The following DOCK10 variants were observed in gnomAD, a reference collection of about 807,000 sequenced individuals.
The protein encoded by DOCK10 is dedicator of cytokinesis 10.
A neutral mutation model predicts 280.1 loss-of-function variants in DOCK10; 145 were observed. That is an observed-to-expected ratio of 0.52 (90% CI 0.45 to 0.59). The LOEUF is 0.59. DOCK10 is among the 20% of genes least tolerant of loss of function. DOCK10 has a pLI of 0.00. For missense variants in DOCK10, 2,368 were observed against 2,651.7 expected, an observed-to-expected ratio of 0.89 and a Z score of 2.35; for synonymous variants, 915 against 942.2, an observed-to-expected ratio of 0.97 and a Z score of 0.53.
intron 7 of DOCK10, among the ~76,000 whole-genome samples, chr2:224,877,769 A>T (rs570289253): frequency 6.6e-6 from 1 of 152,236 alleles, no homozygotes; most frequent in South Asian, 2.1e-4. Flanking sequence ...TTACAATTTT[A>T]TATATTCCTG....
At chr2:224,962,532 G>C (rs953035461) in intron 1 of DOCK10, among the ~76,000 whole-genome samples, 1 of 152,130 alleles carries the variant, frequency 6.6e-6, no homozygotes, top group African/African-American at 2.4e-5. Flanking sequence ...TGATGCATTA[G>C]TACTCACATC....
chr2:225,036,522 T>C (rs1203824615), intron 1 of DOCK10, among the ~76,000 whole-genome samples: 1 of 152,198 alleles, frequency 6.6e-6, no homozygotes, highest in African/African-American at 2.4e-5. Context: ...TGCAAATCAC[T>C]AGGGGATCTT....
chr2:225,003,649 ATAG>A (rs772908834), intron 1 of DOCK10, among the ~76,000 whole-genome samples: 1 of 152,308 alleles, frequency 6.6e-6, no homozygotes, highest in African/African-American at 2.4e-5. Flanking sequence ...GTTTTATCTA[ATAG>A]TAGTATTTGT....
chr2:224,982,081 C>T (rs1705777717), intron 1 of DOCK10: 2 of 639,934 alleles, frequency 3.1e-6, no homozygotes, highest in Admixed American at 8.7e-5. Flanking sequence ...CCAAACAGTA[C>T]TTCAGAGTAG....
chr2:224,779,461 C>A (rs1371529301), intron 50 of DOCK10, among the ~76,000 whole-genome samples: 1 of 152,098 alleles, frequency 6.6e-6, no homozygotes, highest in African/African-American at 2.4e-5. Context: ...GATGATCCAC[C>A]CACCTCGGCC....
intron 55 of DOCK10, among the ~76,000 whole-genome samples, chr2:224,769,558 G>T (rs571908209): frequency 6.6e-6 from 1 of 152,218 alleles, no homozygotes; most frequent in South Asian, 2.1e-4. Context: ...TAGGAAGTAG[G>T]CCAGGAAGCA....
At chr2:224,779,722 G>A (rs1354928888) in intron 50 of DOCK10, among the ~76,000 whole-genome samples, 1 of 152,128 alleles carries the variant, frequency 6.6e-6, no homozygotes, top group Non-Finnish European at 1.5e-5. Flanking sequence ...TCTGTATGAT[G>A]CTTTATACTT....
At chr2:224,892,427 G>A (rs200050914) in intron 4 of DOCK10, among the ~76,000 whole-genome samples, 18 of 93,940 alleles carry the variant, frequency 1.9e-4, no homozygotes, top group South Asian at 2.9e-4. Context: ...AAAAAAGAAA[G>A]AAAGAAAAGA....
intron 1 of DOCK10, among the ~76,000 whole-genome samples, chr2:225,013,916 A>T (rs1219005580): frequency 6.6e-6 from 1 of 152,042 alleles, no homozygotes; most frequent in Non-Finnish European, 1.5e-5. Context: ...AGTGACAAAA[A>T]GTAGATAAGT....
chr2:224,801,696 C>A (rs759782800), intron 40 of DOCK10, among the ~76,000 whole-genome samples: 2 of 152,108 alleles, frequency 1.3e-5, no homozygotes, highest in Non-Finnish European at 2.9e-5. Flanking sequence ...TCCAAGGGAG[C>A]TATGCTAAAC....
rs769656734 is a variant in DOCK10 at position 224,874,607 on chromosome 2, A to G, written c.1017+59T>C. On this transcript the variant is annotated intron_variant, in intron 9 of 55. Transcript: ENST00000258390. Reference sequence around the variant, plus strand: ...GAAAGCATTTACGTCTTTTCCATGAAAGCAATAACTAACAAATAATTCAAA... The same window carrying G: ...GAAAGCATTTACGTCTTTTCCATGAGAGCAATAACTAACAAATAATTCAAA... 4.7e-6 allele frequency: 7 copies of G among 1,484,408 alleles called. No individual in the cohort carries two copies. The Admixed American group carries it at 6.7e-5, about 14-fold the overall frequency. 92.0% of individuals were successfully genotyped at this position (1,484,408 alleles called of 1,614,324 possible). A position where few individuals can be genotyped will look rare whatever the true frequency, so the allele number is the denominator to read the frequency against.
intron 1 of DOCK10, among the ~76,000 whole-genome samples, chr2:225,010,190 T>G: frequency 6.6e-6 from 1 of 152,156 alleles, no homozygotes; most frequent in East Asian, 1.9e-4. Flanking sequence ...GCCAGGCATT[T>G]TCCTATGGCA....
intron 1 of DOCK10, among the ~76,000 whole-genome samples, chr2:225,014,108 T>TC (rs1689527413): frequency 1.4e-5 from 2 of 145,586 alleles, no homozygotes; most frequent in Admixed American, 6.8e-5. Flanking sequence ...GTTTTTTTTT[T>TC]TAAGAAATAC....
intron 51 of DOCK10, among the ~76,000 whole-genome samples, chr2:224,776,200 T>C (rs1690851686): frequency 6.6e-6 from 1 of 152,202 alleles, no homozygotes; most frequent in Non-Finnish European, 1.5e-5. Flanking sequence ...TTTCTCCATC[T>C]GTCTACCCAT....
intron 39 of DOCK10, 48 bp downstream of exon 39, chr2:224,804,064 C>T (rs1034695396): frequency 6.2e-6 from 7 of 1,134,968 alleles, no homozygotes; most frequent in South Asian, 1.3e-5. Flanking sequence ...TACAGACACA[C>T]ACACACAGCT....
chr2:225,006,302 T>C (rs977112301), intron 1 of DOCK10, among the ~76,000 whole-genome samples: 3 of 152,204 alleles, frequency 2.0e-5, no homozygotes, highest in African/African-American at 7.2e-5. Flanking sequence ...CATTTACTTA[T>C]ATCACAGCTT....
At position 225,014,288 on chromosome 2, in the gene DOCK10, G is replaced by A. The variant is rs186014873; in HGVS notation, c.123+27964C>T. 2.7e-3 allele frequency among the ~76,000 whole-genome samples: 403 copies of A among 151,818 alleles called. 1 individual carries two copies. Among genetic ancestry groups the A allele is most frequent in the African/African-American group, 8.8e-3 (363 of 41,460 alleles). Reference sequence around the variant, plus strand: ...TAAAAGGTTTTTTATATATCCTTTGGAGACAATGAAAAATTTTTGAAATAG... The same window carrying A: ...TAAAAGGTTTTTTATATATCCTTTGAAGACAATGAAAAATTTTTGAAATAG... On this transcript the variant is annotated intron_variant, in intron 1 of 55. Coordinates refer to ENST00000258390, the MANE Select transcript of DOCK10 (RefSeq NM_014689.3).
In DOCK10 at chr2:224,808,098, A is replaced by C. The variant is rs774176868; in HGVS notation, c.3410-12T>G. ...ATATTCAGGCATATCTTTGTGAGGA[A>C]GGAAAATAACTCATGTTATTGAAAA... On this transcript the variant is annotated splice_polypyrimidine_tract_variant and intron_variant, in intron 31 of 55. Coordinates refer to ENST00000258390, the MANE Select transcript of DOCK10 (RefSeq NM_014689.3). 4 of 1,605,798 alleles carry C rather than the reference A, an allele frequency of 2.5e-6. No homozygotes were observed. The South Asian group carries it at 4.4e-5, about 18-fold the overall frequency.
At chr2:224,903,380 T>G (rs1429163963) in intron 3 of DOCK10, among the ~76,000 whole-genome samples, 2 of 152,248 alleles carry the variant, frequency 1.3e-5, no homozygotes, top group Non-Finnish European at 2.9e-5. Context: ...GAAAATCATT[T>G]TAAGACGATT....
Sources: gnomAD v4.1 joint callset for allele counts (sites outside exome capture counted in the v4.1 genomes callset) on GRCh38, gnomAD v4.1.1 for gene constraint, MANE v1.5 for transcripts, NCBI Gene and HGNC (gene_info 2026-07-23, HGNC 2026-07-21) for gene names.